Variants in TRPM6 observed in about 807,000 individuals in gnomAD.
TRPM6 encodes channel kinase 2.
In TRPM6, 111 loss-of-function variants were observed where a neutral mutation model predicts 247.6. That is an observed-to-expected ratio of 0.45 (90% CI 0.38 to 0.52). The LOEUF is 0.52. TRPM6 is among the 20% of genes least tolerant of loss of function. TRPM6 has a pLI of 0.00. For missense variants in TRPM6, 2,126 were observed against 2,421.5 expected, an observed-to-expected ratio of 0.88 and a Z score of 2.56; for synonymous variants, 892 against 853.8, an observed-to-expected ratio of 1.04 and a Z score of -0.78.
intron 1 of TRPM6, among the ~76,000 whole-genome samples, chr9:74,864,279 A>C (rs1830779062): frequency 6.6e-6 from 1 of 152,236 alleles, no homozygotes; most frequent in African/African-American, 2.4e-5. Context: ...TTGAAGCAAG[A>C]ATCCCTTCAA....
At chr9:74,767,524 T>C (rs1826867462) in intron 25 of TRPM6, among the ~76,000 whole-genome samples, 1 of 152,188 alleles carries the variant, frequency 6.6e-6, no homozygotes, top group African/African-American at 2.4e-5. Flanking sequence ...TTCAAACTAT[T>C]GCTCAGTTAC....
intron 1 of TRPM6, among the ~76,000 whole-genome samples, chr9:74,878,428 T>C (rs1368879476): frequency 6.6e-6 from 1 of 152,142 alleles, no homozygotes; most frequent in Non-Finnish European, 1.5e-5. Context: ...GACTGGCCCA[T>C]CTTATGTCCC....
At chr9:74,783,833 A>G (rs571565234) in intron 21 of TRPM6, among the ~76,000 whole-genome samples, 2 of 152,288 alleles carry the variant, frequency 1.3e-5, no homozygotes, top group East Asian at 3.9e-4. Context: ...TGTTTGTCTC[A>G]GCACTACCCT....
chr9:74,818,425 C>T (rs1011071671), intron 9 of TRPM6, among the ~76,000 whole-genome samples: 3 of 150,642 alleles, frequency 2.0e-5, no homozygotes, highest in African/African-American at 7.4e-5. Context: ...GCCTAAGCCT[C>T]CCAAGTAGCT....
intron 1 of TRPM6, among the ~76,000 whole-genome samples, chr9:74,885,771 T>C (rs1831511700): frequency 6.6e-6 from 1 of 152,128 alleles, no homozygotes; most frequent in Non-Finnish European, 1.5e-5. Flanking sequence ...TACTGAAAAC[T>C]CATGATTTAA....
intron 30 of TRPM6, among the ~76,000 whole-genome samples, chr9:74,748,245 A>C (rs1263877060): frequency 6.6e-6 from 1 of 152,262 alleles, no homozygotes; most frequent in Non-Finnish European, 1.5e-5. Flanking sequence ...TCATATAAAA[A>C]TATAGTACAT....
chr9:74,843,800 G>T (rs1463639371), intron 3 of TRPM6, among the ~76,000 whole-genome samples: 2 of 130,744 alleles, frequency 1.5e-5, no homozygotes, highest in Non-Finnish European at 3.1e-5. Context: ...GGGCGACAAA[G>T]CAAGACTCCA....
chr9:74,730,861 A>G (rs1451847495), intron 37 of TRPM6, among the ~76,000 whole-genome samples: 3 of 152,194 alleles, frequency 2.0e-5, no homozygotes, highest in African/African-American at 7.2e-5. Context: ...AAATTGGGTA[A>G]CCCCACAAAA....
chr9:74,737,367 A>T, intron 36 of TRPM6: 1 of 1,288,774 alleles, frequency 7.8e-7, no homozygotes, highest in Non-Finnish European at 1.0e-6. Flanking sequence ...GACATTGCTC[A>T]TGATGCCCCA....
chr9:74,760,101 G>A (rs967313526), intron 27 of TRPM6, among the ~76,000 whole-genome samples: 4 of 152,106 alleles, frequency 2.6e-5, no homozygotes, highest in African/African-American at 9.7e-5. Flanking sequence ...TGATAACATC[G>A]TAGCACATTT....
Position 74,771,431 on chromosome 9 carries a change from A to ACG in TRPM6, c.3536+271_3536+272insCG, listed in dbSNP as rs568935390. 2.6e-3 allele frequency among the ~76,000 whole-genome samples: 394 copies of ACG among 151,524 alleles called. 3 individuals carry two copies. Among genetic ancestry groups the ACG allele is most frequent in the African/African-American group, 9.2e-3 (377 of 40,830 alleles). On this transcript the variant is annotated intron_variant, in intron 25 of 38. Coordinates refer to ENST00000360774, the MANE Select transcript of TRPM6 (RefSeq NM_017662.5). ...CACCTACACACATGCGCACACACAC[A>ACG]CACGCGCGCGCGCATGAATGTAAGT...
chr9:74,856,626 C>A (rs1426211158), intron 2 of TRPM6, among the ~76,000 whole-genome samples: 1 of 152,046 alleles, frequency 6.6e-6, no homozygotes, highest in Non-Finnish European at 1.5e-5. Flanking sequence ...TTGGGAATGC[C>A]TTTTCTCAGA....
At chr9:74,781,630 G>A (rs1827461209) in intron 23 of TRPM6, among the ~76,000 whole-genome samples, 2 of 151,432 alleles carry the variant, frequency 1.3e-5, no homozygotes, top group African/African-American at 4.8e-5. Context: ...AGGAGAGGAA[G>A]AAAGAGAGAG....
At chr9:74,748,555 C>T (rs556259949) in intron 30 of TRPM6, among the ~76,000 whole-genome samples, 1 of 152,044 alleles carries the variant, frequency 6.6e-6, no homozygotes, top group South Asian at 2.1e-4. Flanking sequence ...CTGTGTAGGT[C>T]TAGGCTAATG....
intron 30 of TRPM6, among the ~76,000 whole-genome samples, chr9:74,749,634 T>C (rs1021629172): frequency 1.3e-5 from 2 of 152,192 alleles, no homozygotes; most frequent in Admixed American, 6.5e-5. Flanking sequence ...CCTGCTCAAA[T>C]GCACAAGTGG....
chr9:74,795,530 G>C (rs928845207), intron 18 of TRPM6, among the ~76,000 whole-genome samples: 4 of 152,014 alleles, frequency 2.6e-5, no homozygotes, highest in African/African-American at 9.7e-5. Context: ...CCAACTCCAT[G>C]ACCCTGTTGA....
At chr9:74,735,655 A>T (rs1477020880) in intron 36 of TRPM6, among the ~76,000 whole-genome samples, 1 of 152,220 alleles carries the variant, frequency 6.6e-6, no homozygotes, top group Admixed American at 6.5e-5. Context: ...GTAATTTGAA[A>T]TACAATTGTT....
rs1392553912 is a variant in TRPM6 at position 74,777,296 on chromosome 9, TTG to T, written c.3210-1222_3210-1221del. Among the ~76,000 whole-genome samples, 101 of 152,224 alleles carry T rather than the reference TTG, an allele frequency of 6.6e-4. 4 individuals carry two copies. In the South Asian group the frequency reaches 9.3e-3, roughly 14 times the overall value. On this transcript the variant is annotated intron_variant, in intron 23 of 38. Coordinates refer to ENST00000360774, the MANE Select transcript of TRPM6 (RefSeq NM_017662.5). ...TATTTAAATTTTGGGGGTTGGTTGG[TTG>T]GTTTTTGTTTTTTTCAATTATTTTA...
At chr9:74,840,942 T>C (rs1224476206) in intron 4 of TRPM6, among the ~76,000 whole-genome samples, 3 of 151,544 alleles carry the variant, frequency 2.0e-5, no homozygotes, top group Non-Finnish European at 4.4e-5. Flanking sequence ...CTATAACAAA[T>C]AGGTGAAATG....
Sources: gnomAD v4.1 joint callset for allele counts (sites outside exome capture counted in the v4.1 genomes callset) on GRCh38, gnomAD v4.1.1 for gene constraint, MANE v1.5 for transcripts, NCBI Gene and HGNC (gene_info 2026-07-23, HGNC 2026-07-21) for gene names.